Variants in KHDRBS2 observed in about 807,000 individuals in gnomAD.
KHDRBS2 encodes KH RNA binding domain containing, signal transduction associated 2, also known as KH domain-containing, RNA-binding, signal transduction-associated protein 2.
Under a neutral mutation model 44.3 loss-of-function variants are expected in KHDRBS2, and 26 were observed. The observed-to-expected ratio is 0.59, with a 90% CI of 0.43 to 0.81. The LOEUF (loss-of-function observed/expected upper bound fraction) is 0.81, where lower values mean the gene tolerates loss of function less well. Among genes scored for constraint, KHDRBS2 ranks in the 40% least tolerant of loss-of-function variants. The probability of loss-of-function intolerance (pLI) is 0.00; values close to 1 mark genes in which losing one functional copy is unlikely to be tolerated. For missense variants in KHDRBS2, 476 were observed against 433.1 expected, an observed-to-expected ratio of 1.10 and a Z score of -0.88; for synonymous variants, 194 against 151.1, an observed-to-expected ratio of 1.28 and a Z score of -2.08.
chr6:61,543,330 C>A, the KHDRBS2 span, among the ~76,000 whole-genome samples: 1 of 151,976 alleles, frequency 6.6e-6, no homozygotes, highest in East Asian at 2.0e-4. Flanking sequence ...CAGAAGAAGG[C>A]ATACAAGTGG....
At chr6:61,602,668 C>G in the KHDRBS2 span, among the ~76,000 whole-genome samples, 1 of 152,140 alleles carries the variant, frequency 6.6e-6, no homozygotes, top group East Asian at 1.9e-4. Flanking sequence ...CCGTACCCTT[C>G]TTAATCAATA....
At chr6:62,243,730 A>G (rs9446105) in intron 1 of KHDRBS2, among the ~76,000 whole-genome samples, 5,438 of 152,236 alleles carry the variant, frequency 0.036, 331 homozygotes, top group African/African-American at 0.12. Flanking sequence ...TCAAAAACCA[A>G]TTCTCAGTTT....
chr6:61,581,908 A>C, the KHDRBS2 span, among the ~76,000 whole-genome samples: 1 of 151,682 alleles, frequency 6.6e-6, no homozygotes, highest in South Asian at 2.1e-4. Context: ...AAGAAAAATT[A>C]GAAATTATAG....
At chr6:62,272,555 A>T (rs1276629818) in intron 1 of KHDRBS2, among the ~76,000 whole-genome samples, 1 of 152,206 alleles carries the variant, frequency 6.6e-6, no homozygotes, top group Non-Finnish European at 1.5e-5. Flanking sequence ...CTCACCATGG[A>T]TCATAGCTTC....
At chr6:61,584,663 A>C in the KHDRBS2 span, among the ~76,000 whole-genome samples, 15 of 151,876 alleles carry the variant, frequency 9.9e-5, no homozygotes, top group Non-Finnish European at 2.1e-4. Context: ...CAAGAGATTC[A>C]AGATCATTAG....
In KHDRBS2 at chr6:61,815,025, T is replaced by C. The variant is rs112888484; in HGVS notation, c.810+79610A>G. Among the ~76,000 whole-genome samples the C allele has an allele frequency of 2.8e-3, 421 of 152,238 alleles. 6 individuals carry two copies. Among genetic ancestry groups the C allele is most frequent in the African/African-American group, 9.8e-3 (407 of 41,558 alleles). ...TATAATGTAAATGCTAGGTAAATAG[T>C]AGTTATACTGCATTGTTTAGGAAAT... is the stretch of plus-strand genomic sequence containing the variant. On this transcript the variant is annotated intron_variant, in intron 6 of 8. Transcript: ENST00000281156.
chr6:62,149,367 T>C (rs1814607245), intron 2 of KHDRBS2, among the ~76,000 whole-genome samples: 1 of 152,106 alleles, frequency 6.6e-6, no homozygotes, highest in African/African-American at 2.4e-5. Flanking sequence ...CCTAAACATC[T>C]CAAATGTCTT....
chr6:61,848,487 A>ACG (rs1794781489), intron 6 of KHDRBS2, among the ~76,000 whole-genome samples: 3 of 42,970 alleles, frequency 7.0e-5, no homozygotes, highest in Non-Finnish European at 1.2e-4. Context: ...ATATATATAT[A>ACG]TATGTATATA....
intron 2 of KHDRBS2, among the ~76,000 whole-genome samples, chr6:62,092,205 A>T (rs1799620548): frequency 6.6e-6 from 1 of 151,934 alleles, no homozygotes; most frequent in South Asian, 2.1e-4. Flanking sequence ...CCTTCATGTC[A>T]GACAGTGAAT....
At chr6:61,861,660 GT>G (rs201174175) in intron 6 of KHDRBS2, among the ~76,000 whole-genome samples, 49,002 of 147,468 alleles carry the variant, frequency 0.33, 8,301 homozygotes, top group African/African-American at 0.43. Context: ...CTCCAGTTTT[GT>G]TTTTTTTTTT....
the KHDRBS2 span, among the ~76,000 whole-genome samples, chr6:61,568,321 A>T: frequency 4.6e-5 from 7 of 152,134 alleles, no homozygotes; most frequent in Non-Finnish European, 8.8e-5. Context: ...TTGGCTGCTC[A>T]GGCTCTCTTT....
chr6:61,764,957 ATAGT>A (rs1779788787), intron 6 of KHDRBS2, among the ~76,000 whole-genome samples: 1 of 90,048 alleles, frequency 1.1e-5, no homozygotes, highest in South Asian at 3.2e-4. Flanking sequence ...CAAAAACTTA[ATAGT>A]TAAATTAAAT....
At chr6:61,740,574 C>G (rs78703793) in intron 6 of KHDRBS2, among the ~76,000 whole-genome samples, 1 of 151,824 alleles carries the variant, frequency 6.6e-6, no homozygotes, top group African/African-American at 2.4e-5. Flanking sequence ...TTTTCTTGAA[C>G]ATGTTATCAT....
At chr6:61,876,786 C>T (rs1465709675) in intron 6 of KHDRBS2, among the ~76,000 whole-genome samples, 4 of 151,996 alleles carry the variant, frequency 2.6e-5, no homozygotes, top group Admixed American at 2.6e-4. Context: ...ATGTTTCATC[C>T]CACCTCTGTG....
At chr6:62,285,674 A>G (rs1191898474) in intron 1 of KHDRBS2, among the ~76,000 whole-genome samples, 184 bp downstream of exon 1, 1 of 152,184 alleles carries the variant, frequency 6.6e-6, no homozygotes, top group African/African-American at 2.4e-5. Flanking sequence ...GACGTGGAGA[A>G]GGAGCACTGC....
intron 7 of KHDRBS2, among the ~76,000 whole-genome samples, chr6:61,725,270 A>G (rs888854760): frequency 2.0e-5 from 3 of 152,200 alleles, no homozygotes; most frequent in African/African-American, 7.2e-5. Flanking sequence ...ACAATGTACC[A>G]GAAACTCTGG....
chr6:62,055,080 T>A (rs922489712), intron 2 of KHDRBS2, among the ~76,000 whole-genome samples: 3 of 151,962 alleles, frequency 2.0e-5, no homozygotes, highest in Admixed American at 6.6e-5. Context: ...TTTAAAATGA[T>A]GAAAATACAA....
chr6:62,066,055 C>G (rs1365204400), intron 2 of KHDRBS2, among the ~76,000 whole-genome samples: 1 of 151,606 alleles, frequency 6.6e-6, no homozygotes, highest in Non-Finnish European at 1.5e-5. Context: ...AAAGACACGT[C>G]TTTGCCATAT....
intron 6 of KHDRBS2, among the ~76,000 whole-genome samples, chr6:61,775,156 C>A (rs1298984794): frequency 1.3e-5 from 2 of 152,044 alleles, no homozygotes; most frequent in Non-Finnish European, 2.9e-5. Flanking sequence ...ATAATAAGAG[C>A]TATCTATGAC....
Sources: allele counts gnomAD v4.1 joint callset (sites outside exome capture counted in the v4.1 genomes callset), GRCh38; gene constraint gnomAD v4.1.1; transcripts MANE v1.5; gene names NCBI Gene and HGNC (gene_info 2026-07-23, HGNC 2026-07-21).